PRKAR1B: variants seen among roughly 807,000 people sequenced by gnomAD.
PRKAR1B encodes protein kinase cAMP-dependent type I regulatory subunit beta, also known as cAMP-dependent protein kinase type I-beta regulatory subunit.
In PRKAR1B, 22 loss-of-function variants were observed where a neutral mutation model predicts 46.5. That is an observed-to-expected ratio of 0.47 (90% CI 0.34 to 0.68). The LOEUF is 0.68. Among genes scored for constraint, PRKAR1B ranks in the 30% least tolerant of loss-of-function variants. The pLI is 0.01. For missense variants in PRKAR1B, 445 were observed against 535.6 expected, an observed-to-expected ratio of 0.83 and a Z score of 1.67; for synonymous variants, 259 against 217.7, an observed-to-expected ratio of 1.19 and a Z score of -1.67.
At chr7:550,946 CA>C (rs1784146109) in intron 10 of PRKAR1B, among the ~76,000 whole-genome samples, 1 of 150,952 alleles carries the variant, frequency 6.6e-6, no homozygotes, top group Non-Finnish European at 1.5e-5. Context: ...CCTCAGGACC[CA>C]GACCCCCAGC....
chr7:585,453 G>A (rs745665979), intron 7 of PRKAR1B, among the ~76,000 whole-genome samples: 5 of 152,186 alleles, frequency 3.3e-5, no homozygotes, highest in Admixed American at 1.3e-4. Flanking sequence ...CAGCAAGCTC[G>A]ACTTTGCTAA....
At chr7:682,732 G>C (rs1778761740) in intron 2 of PRKAR1B, among the ~76,000 whole-genome samples, 1 of 149,658 alleles carries the variant, frequency 6.7e-6, no homozygotes, top group Non-Finnish European at 1.5e-5. Flanking sequence ...GACAGAGCGA[G>C]ACTCTGTCTC....
chr7:649,163 CAA>C (rs2128489045), intron 4 of PRKAR1B, among the ~76,000 whole-genome samples: 1 of 152,238 alleles, frequency 6.6e-6, no homozygotes, highest in Admixed American at 6.5e-5. Flanking sequence ...GACTCCGTCT[CAA>C]AATAAATAAA....
At chr7:580,924 A>G (rs1780144832) in intron 8 of PRKAR1B, among the ~76,000 whole-genome samples, 1 of 152,146 alleles carries the variant, frequency 6.6e-6, no homozygotes, top group Non-Finnish European at 1.5e-5. Flanking sequence ...GCTTCCCACG[A>G]ACCCCAGGGC....
intron 9 of PRKAR1B, among the ~76,000 whole-genome samples, chr7:563,388 G>A (rs1273583500): frequency 7.2e-5 from 11 of 152,278 alleles, no homozygotes; most frequent in Admixed American, 2.0e-4. Context: ...AGGAAAGGAA[G>A]GGGTGCCACT....
At chr7:665,367 T>TC (rs1223818522) in intron 4 of PRKAR1B, among the ~76,000 whole-genome samples, 1 of 151,958 alleles carries the variant, frequency 6.6e-6, no homozygotes, top group Non-Finnish European at 1.5e-5. Context: ...TCTCTCTGCC[T>TC]CCCCTGCCAA....
Position 576,906 on chromosome 7 carries a change from A to ACTC in PRKAR1B, c.891+2347_891+2349dup, listed in dbSNP as rs1230133969. The stretch of plus-strand genomic sequence containing the variant: ...ACACACTTCCTTCCCGCAGGCTCTT[A>ACTC]CTCCAGCCTCCTGCTTTTCGGCCTG... On this transcript the variant is annotated intron_variant, in intron 9 of 10. Transcript: ENST00000537384. Among the ~76,000 whole-genome samples the ACTC allele has an allele frequency of 3.3e-5, 5 of 151,598 alleles. No homozygotes were observed. In the East Asian group the frequency reaches 9.7e-4, roughly 29 times the overall value.
intron 9 of PRKAR1B, among the ~76,000 whole-genome samples, chr7:572,450 G>C (rs1356996511): frequency 6.6e-6 from 1 of 152,138 alleles, no homozygotes; most frequent in Non-Finnish European, 1.5e-5. Context: ...GGGAGTTGGG[G>C]TTCCTGCAGC....
Position 726,930 on chromosome 7 carries a change from G to A in PRKAR1B, c.-23+280C>T, listed in dbSNP as rs924325564. 5.2e-6 allele frequency: 7 copies of A among 1,341,448 alleles called. No individual in the cohort carries two copies. The African/African-American group carries it at 9.2e-5, about 18-fold the overall frequency. The allele number at this position is 1,341,448 out of a possible 1,614,324, so 83.1% of individuals were successfully genotyped here. A position where few individuals can be genotyped will look rare whatever the true frequency, so the allele number is the denominator to read the frequency against. On this transcript the variant is annotated intron_variant, in intron 1 of 10. Coordinates refer to ENST00000537384, the MANE Select transcript of PRKAR1B (RefSeq NM_001164760.2). ...CTGCCGCCGACCCCACCGCTTTCCAGGGCCCCTGGGCGCGCCTACTGCTGC... is the reference window on the plus strand; with the variant it reads ...CTGCCGCCGACCCCACCGCTTTCCAAGGCCCCTGGGCGCGCCTACTGCTGC...
intron 4 of PRKAR1B, among the ~76,000 whole-genome samples, chr7:672,882 T>A (rs955842060): frequency 2.7e-5 from 4 of 150,498 alleles, no homozygotes; most frequent in Non-Finnish European, 4.4e-5. Flanking sequence ...AAAGAAAAAA[T>A]AATTTTTTTT....
chr7:673,683 A>G (rs1786418329), intron 4 of PRKAR1B, among the ~76,000 whole-genome samples: 1 of 152,004 alleles, frequency 6.6e-6, no homozygotes, highest in South Asian at 2.1e-4. Context: ...GCTCTTCAGT[A>G]TCTGACTCCT....
At chr7:636,968 C>T (rs1784145815) in intron 4 of PRKAR1B, among the ~76,000 whole-genome samples, 1 of 152,148 alleles carries the variant, frequency 6.6e-6, no homozygotes, top group African/African-American at 2.4e-5. Flanking sequence ...AGTGCCGGGA[C>T]AGGCCAAGCT....
chr7:573,855 G>A (rs1022542066), intron 9 of PRKAR1B, among the ~76,000 whole-genome samples: 20 of 152,262 alleles, frequency 1.3e-4, no homozygotes, highest in African/African-American at 4.6e-4. Context: ...GCCCCTCGCC[G>A]GTCCCCACAC....
At position 649,057 on chromosome 7, in the gene PRKAR1B, G is replaced by A. The variant is rs557001273; in HGVS notation, c.440+28172C>T. Among the ~76,000 whole-genome samples the A allele has an allele frequency of 9.9e-4, 150 of 151,736 alleles. 1 individual carries two copies. Among genetic ancestry groups the A allele is most frequent in the African/African-American group, 3.3e-3 (137 of 41,362 alleles). ...CGGGTACCTGTAATCTCAGCTACTC[G>A]GGAGGCTGAGGCAGGAGCATCATTT... On this transcript the variant is annotated intron_variant, in intron 4 of 10. Coordinates refer to ENST00000537384, the MANE Select transcript of PRKAR1B (RefSeq NM_001164760.2).
chr7:556,415 C>T (rs917115121), intron 9 of PRKAR1B, among the ~76,000 whole-genome samples: 6 of 151,874 alleles, frequency 4.0e-5, no homozygotes, highest in Non-Finnish European at 8.8e-5. Flanking sequence ...ACCCTGCAAC[C>T]GGCGGCCTTC....
chr7:606,249 A>G lies in PRKAR1B; in HGVS notation c.503-10T>C, dbSNP rs1161490843. On this transcript the variant is annotated splice_polypyrimidine_tract_variant and intron_variant, in intron 5 of 10. Coordinates refer to ENST00000537384, the MANE Select transcript of PRKAR1B (RefSeq NM_001164760.2). ...TTGTCTCCTTCATTCCCTGTAACAA[A>G]AGAAGAAAGTCAACAGATACAAAGT... is the stretch of plus-strand genomic sequence containing the variant. 1 of 1,612,848 alleles carries G rather than the reference A, an allele frequency of 6.2e-7. No homozygotes were observed. Among genetic ancestry groups the G allele is most frequent in the Non-Finnish European group, 8.5e-7 (1 of 1,179,162 alleles).
At chr7:636,006 G>A (rs1157585243) in intron 4 of PRKAR1B, among the ~76,000 whole-genome samples, 5 of 78,062 alleles carry the variant, frequency 6.4e-5, no homozygotes, top group Non-Finnish European at 1.3e-4. Context: ...TCCACCGGCC[G>A]CGCCCTCACG....
At chr7:682,165 T>C (rs1246862863) in intron 2 of PRKAR1B, among the ~76,000 whole-genome samples, 2 of 152,012 alleles carry the variant, frequency 1.3e-5, no homozygotes, top group Admixed American at 6.5e-5. Flanking sequence ...CCACACCGGG[T>C]AGCTCACAGG....
chr7:677,964 A>G (rs1778428478), intron 3 of PRKAR1B, among the ~76,000 whole-genome samples: 1 of 151,842 alleles, frequency 6.6e-6, no homozygotes, highest in South Asian at 2.1e-4. Context: ...AGACAATGCT[A>G]GGTGTATCTA....
Sources: gnomAD v4.1 joint callset for allele counts (sites outside exome capture counted in the v4.1 genomes callset) on GRCh38, gnomAD v4.1.1 for gene constraint, MANE v1.5 for transcripts, NCBI Gene and HGNC (gene_info 2026-07-23, HGNC 2026-07-21) for gene names.